PSG11: variants seen among roughly 807,000 people sequenced by gnomAD.
PSG11 encodes the protein pregnancy specific beta-1-glycoprotein 11.
A neutral mutation model predicts 36.0 loss-of-function variants in PSG11; 42 were observed. The observed-to-expected ratio is 1.17, with a 90% CI of 0.91 to 1.51. PSG11 has a LOEUF of 1.51. Ranked by LOEUF, PSG11 falls within the 40% of genes most tolerant of loss-of-function variation. The pLI is 0.00. For missense variants in PSG11, 558 were observed against 403.5 expected (o/e 1.38, Z -3.28); for synonymous variants, 206 against 153.5 (o/e 1.34, Z -2.53).
rs368459502 is a variant in PSG11 at position 43,022,690 on chromosome 19, T to C, written c.430+2001A>G. 1.5e-4 allele frequency among the ~76,000 whole-genome samples: 23 copies of C among 151,344 alleles called. 1 individual carries two copies. The East Asian group carries it at 3.3e-3, about 22-fold the overall frequency. On this transcript the variant is annotated intron_variant, in intron 2 of 5. Coordinates refer to ENST00000320078, the MANE Select transcript of PSG11 (RefSeq NM_002785.3). The stretch of plus-strand genomic sequence containing the variant: ...GGAGGGACTTCCTATCCCTGTCCCA[T>C]GGTCTTGTCCACAGGTCAGCCTCAC...
At chr19:43,015,840 T>G in intron 3 of PSG11, 1 of 1,610,212 alleles carries the variant, frequency 6.2e-7, no homozygotes, top group Non-Finnish European at 8.5e-7. Context: ...GATAGGGTCC[T>G]GTTTCATTTC....
chr19:43,016,268 A>G (rs1966964066), intron 3 of PSG11, among the ~76,000 whole-genome samples: 1 of 151,304 alleles, frequency 6.6e-6, no homozygotes, highest in Admixed American at 6.6e-5. Flanking sequence ...CTGAAGTGTC[A>G]ATTGAGCAGC....
chr19:43,023,966 C>T (rs1195427887), intron 2 of PSG11, among the ~76,000 whole-genome samples: 1 of 151,502 alleles, frequency 6.6e-6, no homozygotes, highest in Non-Finnish European at 1.5e-5. Flanking sequence ...TGTGGACAAG[C>T]TGCTACCAGG....
chr19:43,015,694 G>A, intron 3 of PSG11: 1 of 1,586,312 alleles, frequency 6.3e-7, no homozygotes, highest in Non-Finnish European at 8.6e-7. Flanking sequence ...GGACCGGAGA[G>A]AGACTGAGAG....
intron 3 of PSG11, chr19:43,016,057 A>T: frequency 6.2e-7 from 1 of 1,602,636 alleles, no homozygotes; most frequent in Non-Finnish European, 8.5e-7. Context: ...TGTGTGGATA[A>T]CAGAGAGAAG....
In PSG11 at chr19:43,026,361, G is replaced by C; in HGVS notation, c.12C>G (p.Leu4=). Residue 4 remains leucine, a synonymous_variant, in exon 1 of 6, where the codon CTC becomes CTG. Transcript: ENST00000320078. MGP[L]SAPPCTEHIK... Reference sequence around the variant, plus strand: ...TGTGCTCTGTGCAGGGAGGGGCTGAGAGGGGCCCCATGATCTCTGCTGCGT... The same window carrying C: ...TGTGCTCTGTGCAGGGAGGGGCTGACAGGGGCCCCATGATCTCTGCTGCGT... The C allele has an allele frequency of 6.2e-7, 1 of 1,610,700 alleles. No homozygotes were observed.
At chr19:43,011,346 A>G (rs1974072026) in intron 4 of PSG11, among the ~76,000 whole-genome samples, 1 of 151,332 alleles carries the variant, frequency 6.6e-6, no homozygotes, top group Non-Finnish European at 1.5e-5. Context: ...AAAAAGAAGA[A>G]AGATCTCAGG....
At position 43,024,272 on chromosome 19, in the gene PSG11, T is replaced by C. The variant is rs1967179955; in HGVS notation, c.430+419A>G. On this transcript the variant is annotated intron_variant, in intron 2 of 5. Transcript: ENST00000320078. Reference sequence around the variant, plus strand: ...CTGGAACAGGCTCCTCAGCTTTATCTGGAACAAGGATTTAGGTACAGAGTT... The same window carrying C: ...CTGGAACAGGCTCCTCAGCTTTATCCGGAACAAGGATTTAGGTACAGAGTT... Among the ~76,000 whole-genome samples, 3 of 151,330 alleles carry C rather than the reference T, an allele frequency of 2.0e-5. 1 individual carries two copies. The South Asian group carries it at 6.3e-4, about 32-fold the overall frequency.
At chr19:43,010,068 G>C (rs1200714957) in intron 4 of PSG11, 27 bp from the exon 5 acceptor site, 1 of 1,601,218 alleles carries the variant, frequency 6.2e-7, no homozygotes, top group South Asian at 1.1e-5. Context: ...AGAAAAGAAG[G>C]AATGAAGGTG....
chr19:43,014,845 G>A lies in PSG11; in HGVS notation c.964+271C>T, dbSNP rs948140957. On this transcript the variant is annotated intron_variant, in intron 4 of 5. Transcript: ENST00000320078. ...TCAGCACTCTCCTTCTTGTCCCTCT[G>A]TGAAGCCTCTTCTACCACATAGGGC... is the stretch of plus-strand genomic sequence containing the variant. 1.3e-5 allele frequency: 18 copies of A among 1,334,044 alleles called. 2 individuals are homozygous for A. The highest frequency in any genetic ancestry group is 1.8e-5 in the Non-Finnish European group (18 of 1,006,798). 82.6% of individuals were successfully genotyped at this position (1,334,044 alleles called of 1,614,324 possible).
At chr19:43,026,237 G>A (rs928227622) in intron 1 of PSG11, 72 bp downstream of exon 1, 1 of 1,585,712 alleles carries the variant, frequency 6.3e-7, no homozygotes, top group Admixed American at 1.7e-5. Flanking sequence ...AACCCCAGGA[G>A]CCTCTCCAGG....
chr19:43,024,903 C>T lies in PSG11; in HGVS notation c.218G>A (p.Arg73Lys). ...TGATGTAATGTAATGGTAGAGGTCC[C>T]TGATTTGCCCTTTGTACCAGATGTA... The part of the protein sequence containing the change: ...TGYIWYKGQI[R>K]DLYHYITSYV... Residue 73 changes from arginine (R) to lysine (K), a missense_variant, in exon 2 of 6, where the codon AGG becomes AAG. Physicochemically the swap from Arg to Lys is conservative, Grantham distance 26 (BLOSUM62 2). Coordinates refer to ENST00000320078, the MANE Select transcript of PSG11 (RefSeq NM_002785.3). 1 of 1,611,748 alleles carries T rather than the reference C, an allele frequency of 6.2e-7. No homozygotes were observed. Among genetic ancestry groups the T allele is most frequent in the Non-Finnish European group, 8.5e-7 (1 of 1,179,046 alleles).
intron 1 of PSG11, 98 bp from the exon 2 acceptor site, chr19:43,025,154 C>G: frequency 7.1e-7 from 1 of 1,417,168 alleles, no homozygotes; most frequent in South Asian, 1.4e-5. Context: ...AATCCTCAGC[C>G]TTGAAGACAC....
chr19:43,025,511 C>G (rs1262564059), intron 1 of PSG11, among the ~76,000 whole-genome samples: 1 of 151,120 alleles, frequency 6.6e-6, no homozygotes, highest in South Asian at 2.1e-4. Flanking sequence ...TTCTAGATCT[C>G]TTTGCATGTC....
chr19:43,019,766 G>T lies in PSG11; in HGVS notation c.431-718C>A, dbSNP rs148373165. ...GCTGATAGCTTTGAACCAAGACCAT[G>T]TTCCCTGTTGTGGGTCTATGATGCT... On this transcript the variant is annotated intron_variant, in intron 2 of 5. Coordinates refer to ENST00000320078, the MANE Select transcript of PSG11 (RefSeq NM_002785.3). 861 of 152,100 alleles carry T rather than the reference G, an allele frequency of 5.7e-3. 22 individuals carry two copies. Among genetic ancestry groups the T allele is most frequent in the Non-Finnish European group, 9.0e-3 (614 of 68,354 alleles). 9.4% of individuals were successfully genotyped at this position (152,100 alleles called of 1,614,324 possible). A position where few individuals can be genotyped will look rare whatever the true frequency, so the allele number is the denominator to read the frequency against.
rs10412444 is a variant in PSG11 at position 43,007,948 on chromosome 19, C to G, written c.*135G>C. On this transcript the variant is annotated 3_prime_UTR_variant, in exon 6 of 6. Transcript: ENST00000320078. ...TTCATGAAGGTATCAGCCTGTTCATCAAAATTTTGAAAGTTCTTAGTCCAG... is the reference window on the plus strand; with the variant it reads ...TTCATGAAGGTATCAGCCTGTTCATGAAAATTTTGAAAGTTCTTAGTCCAG... 2 of 397,766 alleles carry G rather than the reference C, an allele frequency of 5.0e-6. No individual in the cohort carries two copies. The highest frequency in any genetic ancestry group is 7.3e-5 in the East Asian group (2 of 27,410). The allele number at this position is 397,766 out of a possible 1,614,324, so 24.6% of individuals were successfully genotyped here. A position where few individuals can be genotyped will look rare whatever the true frequency, so the allele number is the denominator to read the frequency against.
chr19:43,018,287 G>A (rs1404143682), intron 3 of PSG11: 27 of 212,094 alleles, frequency 1.3e-4, no homozygotes, highest in Admixed American at 2.1e-4. Context: ...GTGGGTGAGT[G>A]TCTATGAGAC....
Position 43,009,940 on chromosome 19 carries a change from G to C in PSG11, c.*40+18C>G, listed in dbSNP as rs1974031070. The C allele has an allele frequency of 4.6e-6, 7 of 1,532,648 alleles. No individual in the cohort carries two copies. The South Asian group carries it at 7.9e-5, about 17-fold the overall frequency. The allele number at this position is 1,532,648 out of a possible 1,614,324, so 94.9% of individuals were successfully genotyped here. ...GTCAGCCCTGCAGGAACCAGGATAA[G>C]AGAAAAGGTCATCATACCTGCCAGT... On this transcript the variant is annotated intron_variant, in intron 5 of 5. Transcript: ENST00000320078.
chr19:43,026,446 A>G lies in PSG11; in HGVS notation c.-74T>C. ...CAGAAGCTTCCAGAGCACGGCTGTCAGCTGTGCTGTCCTTCCTCCTTCTGC... is the reference window on the plus strand; with the variant it reads ...CAGAAGCTTCCAGAGCACGGCTGTCGGCTGTGCTGTCCTTCCTCCTTCTGC... On this transcript the variant is annotated 5_prime_UTR_variant, in exon 1 of 6. Transcript: ENST00000320078. 6.4e-7 allele frequency: 1 copy of G among 1,573,590 alleles called. No homozygotes were observed. Among genetic ancestry groups the G allele is most frequent in the Non-Finnish European group, 8.7e-7 (1 of 1,153,240 alleles).
Sources: gnomAD v4.1 joint callset for allele counts (sites outside exome capture counted in the v4.1 genomes callset) on GRCh38, gnomAD v4.1.1 for gene constraint, MANE v1.5 for transcripts, NCBI Gene and HGNC (gene_info 2026-07-23, HGNC 2026-07-21) for gene names.